ATAD2B: variants seen among roughly 807,000 people sequenced by gnomAD.
ATAD2B encodes ATPase family AAA domain containing 2B, also known as ATPase family AAA domain-containing protein 2B.
ATAD2B carries 40 observed loss-of-function variants against 167.6 expected under a neutral mutation model. The ratio of observed to expected loss-of-function variants is 0.24; its 90% CI spans 0.19 to 0.31. ATAD2B has a LOEUF of 0.31. ATAD2B is among the 10% of genes least tolerant of loss of function. ATAD2B has a pLI of 1.00. For missense variants in ATAD2B, 1,242 were observed against 1,757.2 expected, an observed-to-expected ratio of 0.71 and a Z score of 5.24; for synonymous variants, 579 against 596.5, an observed-to-expected ratio of 0.97 and a Z score of 0.43.
At chr2:23,712,582 C>G in the ATAD2B span, among the ~76,000 whole-genome samples, 1 of 152,092 alleles carries the variant, frequency 6.6e-6, no homozygotes, top group African/African-American at 2.4e-5. Flanking sequence ...AAGTGCTGAC[C>G]ACAGCAGCCT....
At chr2:23,774,767 G>A (rs1367720124) in intron 22 of ATAD2B, among the ~76,000 whole-genome samples, 2 of 152,096 alleles carry the variant, frequency 1.3e-5, no homozygotes, top group Non-Finnish European at 2.9e-5. Flanking sequence ...GGACATGGTG[G>A]CGCATGCCTA....
intron 7 of ATAD2B, among the ~76,000 whole-genome samples, chr2:23,878,777 A>C (rs1328764631): frequency 6.6e-6 from 1 of 152,314 alleles, no homozygotes; most frequent in Admixed American, 6.5e-5. Context: ...TGCAAATGAC[A>C]TATCTGTTAA....
At position 23,864,705 on chromosome 2, in the gene ATAD2B, T is replaced by A. The variant is rs546060913; in HGVS notation, c.1304+104A>T. ...TTCTAACTGTCATTGCTAGGACACGTCAAATAAATATATATCAAATATTTA... is the reference window on the plus strand; with the variant it reads ...TTCTAACTGTCATTGCTAGGACACGACAAATAAATATATATCAAATATTTA... On this transcript the variant is annotated intron_variant, in intron 11 of 27. Transcript: ENST00000238789. 3 of 545,234 alleles carry A rather than the reference T, an allele frequency of 5.5e-6. No individual in the cohort carries two copies. In the East Asian group the frequency reaches 1.0e-4, roughly 18 times the overall value. 33.8% of individuals were successfully genotyped at this position (545,234 alleles called of 1,614,324 possible).
chr2:23,854,610 G>A (rs1442951646), intron 13 of ATAD2B, among the ~76,000 whole-genome samples: 22 of 151,808 alleles, frequency 1.4e-4, no homozygotes, highest in African/African-American at 4.3e-4. Context: ...CCTGGCAGGC[G>A]GCGGTTGCAG....
chr2:23,863,803 C>T (rs191221885), intron 11 of ATAD2B, among the ~76,000 whole-genome samples: 1 of 152,022 alleles, frequency 6.6e-6, no homozygotes, highest in African/African-American at 2.4e-5. Flanking sequence ...AAATGTGTTT[C>T]CCAATGACCC....
Position 23,860,614 on chromosome 2 carries a change from G to A in ATAD2B, c.1479+2767C>T, listed in dbSNP as rs544114510. On this transcript the variant is annotated intron_variant, in intron 12 of 27. Coordinates refer to ENST00000238789, the MANE Select transcript of ATAD2B (RefSeq NM_017552.4). Reference sequence around the variant, plus strand: ...GGTCAGTTTACTAAGGAAGAGAGATGAATTTTCCATTTCTCCTGAGTGATA... The same window carrying A: ...GGTCAGTTTACTAAGGAAGAGAGATAAATTTTCCATTTCTCCTGAGTGATA... Among the ~76,000 whole-genome samples the A allele has an allele frequency of 6.3e-4, 96 of 152,304 alleles. 1 individual carries two copies. In the South Asian group the frequency reaches 0.018, roughly 29 times the overall value.
intron 2 of ATAD2B, among the ~76,000 whole-genome samples, chr2:23,889,461 C>G (rs1699159168): frequency 6.6e-6 from 1 of 151,890 alleles, no homozygotes; most frequent in South Asian, 2.1e-4. Context: ...AGCCACCGCG[C>G]CCAGCCCCTA....
downstream of ATAD2B, among the ~76,000 whole-genome samples, chr2:23,748,206 G>A (rs912289063): frequency 6.6e-6 from 1 of 152,114 alleles, no homozygotes; most frequent in Non-Finnish European, 1.5e-5. Flanking sequence ...AGGAAAAATA[G>A]GTATTCTGAA....
chr2:23,817,495 GA>G (rs1287697135), intron 17 of ATAD2B, among the ~76,000 whole-genome samples: 1 of 152,162 alleles, frequency 6.6e-6, no homozygotes, highest in Non-Finnish European at 1.5e-5. Flanking sequence ...CTTCTCCTGT[GA>G]AACCTTCCCA....
chr2:23,914,419 A>G (rs1702727661), intron 1 of ATAD2B, among the ~76,000 whole-genome samples: 1 of 152,160 alleles, frequency 6.6e-6, no homozygotes, highest in Non-Finnish European at 1.5e-5. Context: ...AACAAATCTT[A>G]ACAGGCATTT....
chr2:23,893,042 A>G (rs1392231732), intron 2 of ATAD2B, among the ~76,000 whole-genome samples: 1 of 152,192 alleles, frequency 6.6e-6, no homozygotes, highest in African/African-American at 2.4e-5. Flanking sequence ...TACTAAAAGT[A>G]TCAATCATTA....
At position 23,759,902 on chromosome 2, in the gene ATAD2B, G is replaced by GT. The variant is rs1314451541; in HGVS notation, c.3395-1802dup. On this transcript the variant is annotated intron_variant, in intron 24 of 27. Coordinates refer to ENST00000238789, the MANE Select transcript of ATAD2B (RefSeq NM_017552.4). ...CATTCAGCTTGCTCTGACTCTGCAA[G>GT]TTAGCGCTATTAGGCTTTTACTACC... is the stretch of plus-strand genomic sequence containing the variant. Among the ~76,000 whole-genome samples, 3 of 152,218 alleles carry GT rather than the reference G, an allele frequency of 2.0e-5. No homozygotes were observed. The East Asian group carries it at 5.8e-4, about 29-fold the overall frequency.
intron 7 of ATAD2B, among the ~76,000 whole-genome samples, chr2:23,879,101 T>C (rs1697471561): frequency 6.6e-6 from 1 of 152,204 alleles, no homozygotes; most frequent in Non-Finnish European, 1.5e-5. Context: ...GGTAACTTCT[T>C]ATATCTCATC....
chr2:23,917,790 G>A (rs146796831), intron 1 of ATAD2B, among the ~76,000 whole-genome samples: 3,349 of 151,992 alleles, frequency 0.022, 135 homozygotes, highest in African/African-American at 0.077. Context: ...CAGGCGCGGT[G>A]GCTCACGCCT....
Position 23,754,645 on chromosome 2 carries a change from AC to A in ATAD2B, c.4206+1del. On this transcript the variant is annotated splice_donor_variant, in intron 26 of 27. Coordinates refer to ENST00000238789, the MANE Select transcript of ATAD2B (RefSeq NM_017552.4). LOFTEE classifies it high-confidence loss of function. ...AACTTGACTGGGAATAGCTAAGCTT[AC>A]CTTCAATCTCTCACGATCAACTATA... is the stretch of plus-strand genomic sequence containing the variant. 1 of 1,611,522 alleles carries A rather than the reference AC, an allele frequency of 6.2e-7. No homozygotes were observed. The highest frequency in any genetic ancestry group is 8.5e-7 in the Non-Finnish European group (1 of 1,178,788).
chr2:23,733,864 T>C, the ATAD2B span, among the ~76,000 whole-genome samples: 5 of 152,190 alleles, frequency 3.3e-5, no homozygotes, highest in African/African-American at 1.2e-4. Flanking sequence ...ATATCTAAAG[T>C]CTTTACTGAC....
At chr2:23,868,160 C>T (rs999968781) in intron 9 of ATAD2B, among the ~76,000 whole-genome samples, 15 of 152,102 alleles carry the variant, frequency 9.9e-5, no homozygotes, top group Admixed American at 7.9e-4. Context: ...CAAACAAGAT[C>T]GTTAATCTAT....
At chr2:23,721,178 T>A in the ATAD2B span, among the ~76,000 whole-genome samples, 2 of 152,144 alleles carry the variant, frequency 1.3e-5, no homozygotes, top group Admixed American at 1.3e-4. Flanking sequence ...ACTGACACAT[T>A]TCCAGGCCAG....
chr2:23,878,059 G>A (rs1340647666), intron 7 of ATAD2B, among the ~76,000 whole-genome samples: 5 of 104,070 alleles, frequency 4.8e-5, no homozygotes, highest in Admixed American at 1.2e-4. Flanking sequence ...ATAAATTGGA[G>A]TTCATTAAAA....
Sources: allele counts gnomAD v4.1 joint callset (sites outside exome capture counted in the v4.1 genomes callset), GRCh38; gene constraint gnomAD v4.1.1; transcripts MANE v1.5; gene names NCBI Gene and HGNC (gene_info 2026-07-23, HGNC 2026-07-21).